The following MAP2K4 variants were observed in gnomAD, a reference collection of about 807,000 sequenced individuals.
MAP2K4 encodes the protein dual specificity mitogen-activated protein kinase kinase 4.
Under a neutral mutation model 48.5 loss-of-function variants are expected in MAP2K4, and 4 were observed. The observed-to-expected ratio is 0.08, with a 90% CI of 0.04 to 0.19. The LOEUF is 0.19. MAP2K4 is among the 10% of genes least tolerant of loss of function. MAP2K4 has a pLI of 1.00. For missense variants in MAP2K4, 258 were observed against 493.3 expected (o/e 0.52, Z 4.52); for synonymous variants, 166 against 173.1 (o/e 0.96, Z 0.32).
intron 3 of MAP2K4, among the ~76,000 whole-genome samples, chr17:12,090,280 A>G (rs959381163): frequency 2.6e-5 from 4 of 152,168 alleles, no homozygotes; most frequent in African/African-American, 4.8e-5. Context: ...ACATCAGGAC[A>G]CCGGCAGTCA....
At chr17:12,021,069 CCAGCGGACGCCCCCGGACCCGG>C (rs1036459027) in intron 1 of MAP2K4, 68 bp downstream of exon 1, 3 of 951,440 alleles carry the variant, frequency 3.2e-6, no homozygotes, top group Admixed American at 9.0e-5. Context: ...GCGGCCTGCC[CCAGCGGACGCCCCCGGACCCGG>C]CTGAGGAAGC....
chr17:12,105,613 G>A lies in MAP2K4; in HGVS notation c.514-2177G>A, dbSNP rs148246942. Among the ~76,000 whole-genome samples, 1,127 of 151,866 alleles carry A rather than the reference G, an allele frequency of 7.4e-3. 11 individuals are homozygous for A. Among genetic ancestry groups the A allele is most frequent in the African/African-American group, 0.024 (1,010 of 41,404 alleles). On this transcript the variant is annotated intron_variant, in intron 4 of 10. Transcript: ENST00000353533. ...CAGACCTGTGGTCATCCTGTTTTCT[G>A]CTTGAGCATGACAGTCATGCTGCTG... is the stretch of plus-strand genomic sequence containing the variant.
chr17:12,095,503 G>A (rs754494645), intron 3 of MAP2K4, 72 bp from the exon 4 acceptor site: 183 of 1,568,150 alleles, frequency 1.2e-4, no homozygotes, highest in Non-Finnish European at 1.6e-4. Context: ...TCTCTACCAT[G>A]AGACTAAAAA....
chr17:12,031,121 A>C (rs1470700053), intron 1 of MAP2K4, among the ~76,000 whole-genome samples: 2 of 152,208 alleles, frequency 1.3e-5, no homozygotes, highest in Non-Finnish European at 2.9e-5. Context: ...GGTTTGCCCT[A>C]GTACTTCTTT....
chr17:12,064,285 A>G (rs531635087), intron 2 of MAP2K4, among the ~76,000 whole-genome samples: 3 of 152,146 alleles, frequency 2.0e-5, no homozygotes, highest in East Asian at 3.9e-4. Flanking sequence ...GGATCTTGCT[A>G]TGTTGCACAG....
intron 4 of MAP2K4, among the ~76,000 whole-genome samples, chr17:12,102,188 T>A (rs1360844057): frequency 2.0e-5 from 3 of 152,112 alleles, no homozygotes; most frequent in Non-Finnish European, 4.4e-5. Flanking sequence ...TTCTTTTTAC[T>A]CCTAGTTTGC....
intron 3 of MAP2K4, among the ~76,000 whole-genome samples, chr17:12,082,189 C>G (rs1971213027): frequency 6.6e-6 from 1 of 151,444 alleles, no homozygotes; most frequent in African/African-American, 2.4e-5. Flanking sequence ...ATAGACAATA[C>G]CTGGCAAGCT....
chr17:12,093,712 A>C (rs1274421081), intron 3 of MAP2K4, among the ~76,000 whole-genome samples: 1 of 152,210 alleles, frequency 6.6e-6, no homozygotes, highest in Non-Finnish European at 1.5e-5. Flanking sequence ...TGAGAGGTAG[A>C]AATCTTCCCC....
At chr17:12,096,684 G>A (rs1971769746) in intron 4 of MAP2K4, among the ~76,000 whole-genome samples, 2 of 152,096 alleles carry the variant, frequency 1.3e-5, no homozygotes, top group South Asian at 4.1e-4. Flanking sequence ...TGTTGTTATT[G>A]GCTTTAAAAT....
At position 12,141,914 on chromosome 17, in the gene MAP2K4, A is replaced by G. The variant is rs1055150998; in HGVS notation, c.*654A>G. On this transcript the variant is annotated 3_prime_UTR_variant, in exon 11 of 11. Coordinates refer to ENST00000353533, the MANE Select transcript of MAP2K4 (RefSeq NM_003010.4). ...TTACCAAAAACCATGTTGCGTTCAA[A>G]GAGGTGAACATTAAAATATAGAGAC... is the stretch of plus-strand genomic sequence containing the variant. 1.3e-5 allele frequency: 3 copies of G among 233,434 alleles called. No individual in the cohort carries two copies. The highest frequency in any genetic ancestry group is 2.5e-5 in the Non-Finnish European group (3 of 117,944). The allele number at this position is 233,434 out of a possible 1,614,324, so 14.5% of individuals were successfully genotyped here. A position where few individuals can be genotyped will look rare whatever the true frequency, so the allele number is the denominator to read the frequency against.
chr17:12,066,817 G>A (rs1201610624), intron 2 of MAP2K4, among the ~76,000 whole-genome samples: 1 of 152,178 alleles, frequency 6.6e-6, no homozygotes, highest in Non-Finnish European at 1.5e-5. Context: ...AGCCTCCCGA[G>A]TAGCTGGGAC....
chr17:12,083,137 A>G (rs1306017271), intron 3 of MAP2K4, among the ~76,000 whole-genome samples: 1 of 152,222 alleles, frequency 6.6e-6, no homozygotes, highest in African/African-American at 2.4e-5. Context: ...GTGTGCTTCA[A>G]CTTTGTTGAT....
chr17:12,124,087 CAAAGT>C (rs1972776502), intron 7 of MAP2K4, among the ~76,000 whole-genome samples: 1 of 150,506 alleles, frequency 6.6e-6, no homozygotes. Context: ...CAAAAAAAAA[CAAAGT>C]AAATAGCTTA....
At chr17:12,066,992 TG>T (rs1165992807) in intron 2 of MAP2K4, among the ~76,000 whole-genome samples, 2 of 152,040 alleles carry the variant, frequency 1.3e-5, no homozygotes, top group African/African-American at 4.8e-5. Context: ...GGCTAATTTT[TG>T]TATTTTTGGG....
chr17:12,139,797 A>C (rs1250071663), intron 9 of MAP2K4, 42 bp from the exon 10 acceptor site: 11 of 1,371,112 alleles, frequency 8.0e-6, no homozygotes, highest in Non-Finnish European at 1.1e-5. Context: ...ACTTAGGCAA[A>C]TGAATCTACA....
At chr17:12,123,349 TTC>T (rs1178310051) in intron 7 of MAP2K4, among the ~76,000 whole-genome samples, 2 of 152,320 alleles carry the variant, frequency 1.3e-5, no homozygotes, top group South Asian at 2.1e-4. Flanking sequence ...CAGAAAATAT[TTC>T]TGTTTCATCT....
intron 7 of MAP2K4, among the ~76,000 whole-genome samples, chr17:12,121,522 C>G (rs1461056634): frequency 6.7e-6 from 1 of 150,252 alleles, no homozygotes; most frequent in Non-Finnish European, 1.5e-5. Flanking sequence ...TTGCAGTGAG[C>G]CGAGATCGCG....
chr17:12,063,847 C>CT (rs903420111), intron 2 of MAP2K4, among the ~76,000 whole-genome samples: 1 of 151,700 alleles, frequency 6.6e-6, no homozygotes, highest in African/African-American at 2.4e-5. Context: ...TGTCGCATGG[C>CT]TGTAACCCCA....
At chr17:12,087,611 A>G (rs890108161) in intron 3 of MAP2K4, among the ~76,000 whole-genome samples, 4 of 145,794 alleles carry the variant, frequency 2.7e-5, no homozygotes, top group Admixed American at 2.1e-4. Context: ...AGAATGGGGT[A>G]TTACTATTAA....
Sources: gnomAD v4.1 joint callset for allele counts (sites outside exome capture counted in the v4.1 genomes callset) on GRCh38, gnomAD v4.1.1 for gene constraint, MANE v1.5 for transcripts, NCBI Gene and HGNC (gene_info 2026-07-23, HGNC 2026-07-21) for gene names.